TTC7B: variants seen among roughly 807,000 people sequenced by gnomAD.
The protein encoded by TTC7B is tetratricopeptide repeat domain 7B.
TTC7B carries 28 observed loss-of-function variants against 106.8 expected under a neutral mutation model. That is an observed-to-expected ratio of 0.26 (90% CI 0.19 to 0.36). The LOEUF (loss-of-function observed/expected upper bound fraction) is 0.36, where lower values mean the gene tolerates loss of function less well. Among genes scored for constraint, TTC7B ranks in the 10% least tolerant of loss-of-function variants. TTC7B has a pLI of 1.00. For missense variants in TTC7B, 862 were observed against 1,076.4 expected (o/e 0.80, Z 2.79); for synonymous variants, 405 against 430.6 (o/e 0.94, Z 0.74).
At chr14:90,804,253 G>T (rs963812956) in intron 1 of TTC7B, among the ~76,000 whole-genome samples, 2 of 151,856 alleles carry the variant, frequency 1.3e-5, no homozygotes, top group African/African-American at 4.8e-5. Context: ...AGAATGGCGT[G>T]AACCCGGGAG....
At chr14:90,561,530 C>G (rs2139784601) in intron 19 of TTC7B, among the ~76,000 whole-genome samples, 1 of 152,360 alleles carries the variant, frequency 6.6e-6, no homozygotes, top group South Asian at 2.1e-4. Context: ...CCACTGAAGT[C>G]TCTCTGGCTC....
chr14:90,539,984 G>T lies in TTC7B; in HGVS notation c.*1384C>A, dbSNP rs1889517843. 6.6e-6 allele frequency: 1 copy of T among 152,320 alleles called. No homozygotes were observed. Among genetic ancestry groups the T allele is most frequent in the African/African-American group, 2.4e-5 (1 of 41,462 alleles). The allele number at this position is 152,320 out of a possible 1,614,324, so 9.4% of individuals were successfully genotyped here. A position where few individuals can be genotyped will look rare whatever the true frequency, so the allele number is the denominator to read the frequency against. On this transcript the variant is annotated 3_prime_UTR_variant, in exon 20 of 20. Coordinates refer to ENST00000328459, the MANE Select transcript of TTC7B (RefSeq NM_001010854.2). ...CCCATGAGTGCAGGAGGCTGCTTGG[G>T]CAGGACTGAATTGCATGCTCCAATT...
chr14:90,651,089 T>C (rs778058212), intron 13 of TTC7B, among the ~76,000 whole-genome samples: 7 of 152,218 alleles, frequency 4.6e-5, no homozygotes, highest in Admixed American at 1.3e-4. Flanking sequence ...TTAAAACAAA[T>C]AGTAGAGAAA....
intron 13 of TTC7B, chr14:90,647,504 AT>A (rs1885513881): frequency 6.5e-6 from 1 of 154,842 alleles, no homozygotes; most frequent in African/African-American, 2.4e-5. Flanking sequence ...AGCTTTGCTT[AT>A]AAAATGAGGT....
intron 14 of TTC7B, among the ~76,000 whole-genome samples, chr14:90,645,526 G>C (rs1885406604): frequency 6.6e-6 from 1 of 152,196 alleles, no homozygotes; most frequent in African/African-American, 2.4e-5. Context: ...CTCCCTCGGA[G>C]CTCTGGTGTT....
chr14:90,660,951 G>A (rs185556703), intron 9 of TTC7B, among the ~76,000 whole-genome samples: 1 of 152,358 alleles, frequency 6.6e-6, no homozygotes. Context: ...GGCTGGCTGC[G>A]GGCCTCATCC....
chr14:90,733,883 TG>T (rs1889420996), intron 4 of TTC7B, among the ~76,000 whole-genome samples: 1 of 152,168 alleles, frequency 6.6e-6, no homozygotes, highest in African/African-American at 2.4e-5. Flanking sequence ...GAATTGCAAA[TG>T]AGAAACTTCA....
Position 90,757,233 on chromosome 14 carries a change from T to C in TTC7B, c.446-12311A>G, listed in dbSNP as rs1324091686. On this transcript the variant is annotated intron_variant, in intron 3 of 19. Coordinates refer to ENST00000328459, the MANE Select transcript of TTC7B (RefSeq NM_001010854.2). The surrounding 1 kb of genome is among the most constrained non-coding windows in gnomAD (Gnocchi z 4.1). ...CCCCGTTCCCTCCACTCATGGACTT[T>C]TCTATAAAACTACTTGTTTCACTGC... 1.3e-5 allele frequency among the ~76,000 whole-genome samples: 2 copies of C among 152,148 alleles called. No homozygotes were observed. The highest frequency in any genetic ancestry group is 2.9e-5 in the Non-Finnish European group (2 of 68,028).
rs757067538 is a variant in TTC7B at position 90,780,783 on chromosome 14, G to C, written c.400C>G (p.Pro134Ala). 13 of 1,614,270 alleles carry C rather than the reference G, an allele frequency of 8.1e-6. 1 individual carries two copies. In the South Asian group the frequency reaches 1.4e-4, roughly 18 times the overall value. Residue 134 changes from proline to alanine, a missense_variant, in exon 3 of 20, where the codon CCG becomes GCG. Physicochemically the swap from Pro to Ala is conservative, Grantham distance 27 (BLOSUM62 -1). Transcript: ENST00000328459. ...GLDDLPLTAVPPYRLRVIAEA... is the reference protein window; with the variant it reads ...GLDDLPLTAVAPYRLRVIAEA... ...GCGATCACCCGCAGCCTGTAGGGCG[G>C]GACAGCTGTCAGTGGCAGATCGTCC...
chr14:90,698,673 C>T (rs1310300849), intron 5 of TTC7B: 2 of 152,956 alleles, frequency 1.3e-5, no homozygotes, highest in African/African-American at 4.8e-5. Flanking sequence ...CACAAGCTTC[C>T]TGAGCTGGGT....
chr14:90,614,432 G>T (rs1166351222), intron 16 of TTC7B, among the ~76,000 whole-genome samples: 1 of 152,222 alleles, frequency 6.6e-6, no homozygotes, highest in African/African-American at 2.4e-5. Context: ...CTGTTTGTTG[G>T]CAAGTAACTG....
rs1018415464 is a variant in TTC7B at position 90,757,678 on chromosome 14, G to A, written c.446-12756C>T. On this transcript the variant is annotated intron_variant, in intron 3 of 19. Transcript: ENST00000328459. This position sits in a 1 kb window ranked among gnomAD's most constrained non-coding sequence, Gnocchi z 4.1. Reference sequence around the variant, plus strand: ...TTCTGCCGGGGAAAAGGCAATGTCAGTGGTCACTTGTCTGTCCTACGGCTC... The same window carrying A: ...TTCTGCCGGGGAAAAGGCAATGTCAATGGTCACTTGTCTGTCCTACGGCTC... 2.0e-5 allele frequency among the ~76,000 whole-genome samples: 3 copies of A among 152,202 alleles called. No homozygotes were observed. Among genetic ancestry groups the A allele is most frequent in the African/African-American group, 7.2e-5 (3 of 41,430 alleles).
intron 19 of TTC7B, among the ~76,000 whole-genome samples, chr14:90,549,221 C>G (rs1889970835): frequency 6.6e-6 from 1 of 152,160 alleles, no homozygotes. Context: ...GGAGTGGGAC[C>G]CCTTCTCCTC....
intron 1 of TTC7B, among the ~76,000 whole-genome samples, chr14:90,809,321 T>G (rs982712956): frequency 2.1e-4 from 32 of 152,252 alleles, no homozygotes; most frequent in African/African-American, 7.5e-4. Context: ...TGACGTCTCA[T>G]TGGTCAGAAC....
intron 17 of TTC7B, 108 bp from the exon 18 acceptor site, chr14:90,593,734 G>T: frequency 1.5e-5 from 17 of 1,154,918 alleles, no homozygotes; most frequent in Non-Finnish European, 2.0e-5. Context: ...CTTCCCCCAT[G>T]ATGTTTCTAA....
chr14:90,634,562 AG>A (rs1884849157), intron 15 of TTC7B, among the ~76,000 whole-genome samples: 1 of 152,162 alleles, frequency 6.6e-6, no homozygotes, highest in Non-Finnish European at 1.5e-5. Context: ...ACCTGAGGTC[AG>A]GAGTTCAAGA....
At chr14:90,602,253 G>A (rs1294442753) in intron 17 of TTC7B, 2 of 455,818 alleles carry the variant, frequency 4.4e-6, no homozygotes, top group African/African-American at 4.0e-5. Context: ...TCAAAGTGCG[G>A]GACTTCTCAG....
intron 8 of TTC7B, among the ~76,000 whole-genome samples, chr14:90,678,809 T>C (rs1189955675): frequency 6.6e-6 from 1 of 152,212 alleles, no homozygotes; most frequent in Admixed American, 6.5e-5. Flanking sequence ...GGTGGCCATG[T>C]TTTCCAAATT....
rs959408219 is a variant in TTC7B at position 90,624,700 on chromosome 14, T to A, written c.1752-6655A>T. Among the ~76,000 whole-genome samples the A allele has an allele frequency of 2.6e-5, 4 of 152,228 alleles. No individual in the cohort carries two copies. The highest frequency in any genetic ancestry group is 9.7e-5 in the African/African-American group (4 of 41,446). On this transcript the variant is annotated intron_variant, in intron 15 of 19. Coordinates refer to ENST00000328459, the MANE Select transcript of TTC7B (RefSeq NM_001010854.2). This position sits in a 1 kb window ranked among gnomAD's most constrained non-coding sequence, Gnocchi z 4.0. ...TTCCCTCCCATCTTCTGTGTCAGTA[T>A]AAAAAATGTGCTGATTATATCAAGG...
Sources: gnomAD v4.1 joint callset for allele counts (sites outside exome capture counted in the v4.1 genomes callset) on GRCh38, gnomAD v4.1.1 for gene constraint, Gnocchi (gnomAD v3.1) non-coding constraint, MANE v1.5 for transcripts, NCBI Gene and HGNC (gene_info 2026-07-23, HGNC 2026-07-21) for gene names.